Variants in SLIT1 observed in about 807,000 individuals in gnomAD.
SLIT1 encodes slit guidance ligand 1.
In SLIT1, 66 loss-of-function variants were observed where a neutral mutation model predicts 186.1. That is an observed-to-expected ratio of 0.35 (90% confidence interval 0.29 to 0.44). The LOEUF (loss-of-function observed/expected upper bound fraction) is 0.44. SLIT1 is among the 20% of genes least tolerant of loss of function. The pLI, the probability that SLIT1 is intolerant of heterozygous loss-of-function variation, is 1.00. For missense variants in SLIT1, 1,638 were observed against 2,037.4 expected (o/e 0.80, Z 3.77); for synonymous variants, 761 against 833.8 (o/e 0.91, Z 1.50).
intron 4 of SLIT1, among the ~76,000 whole-genome samples, chr10:97,146,762 A>T (rs1849822389): frequency 6.6e-6 from 1 of 152,196 alleles, no homozygotes; most frequent in South Asian, 2.1e-4. Context: ...CAAGCCCTGA[A>T]ATCAGACAGC....
At chr10:97,089,798 T>C (rs1564672825) in intron 4 of SLIT1, among the ~76,000 whole-genome samples, 1 of 152,038 alleles carries the variant, frequency 6.6e-6, no homozygotes, top group African/African-American at 2.4e-5. Flanking sequence ...ACATCACAAA[T>C]CCAACAAGCA....
chr10:97,176,470 T>C (rs963117336), intron 1 of SLIT1, among the ~76,000 whole-genome samples: 11 of 152,116 alleles, frequency 7.2e-5, no homozygotes, highest in African/African-American at 2.4e-4. Context: ...CCTGCCTCTA[T>C]GCTGCAGGCA....
At chr10:97,096,686 G>A (rs996818736) in intron 4 of SLIT1, among the ~76,000 whole-genome samples, 1 of 151,594 alleles carries the variant, frequency 6.6e-6, no homozygotes, top group Non-Finnish European at 1.5e-5. Context: ...GCTCGACCCC[G>A]AGAGAGGGGA....
chr10:97,082,738 T>A (rs1488806752), intron 4 of SLIT1, among the ~76,000 whole-genome samples: 1 of 151,932 alleles, frequency 6.6e-6, no homozygotes, highest in Admixed American at 6.6e-5. Flanking sequence ...CCAGCCTCAT[T>A]TAGTTCTTAA....
chr10:97,002,575 G>A (rs1166470334), intron 35 of SLIT1, 129 bp downstream of exon 35: 14 of 940,268 alleles, frequency 1.5e-5, no homozygotes, highest in Non-Finnish European at 2.2e-5. Context: ...GTGAAAGCCA[G>A]ATAAAAGTAA....
At position 97,037,784 on chromosome 10, in the gene SLIT1, C is replaced by T. The variant is rs371722928; in HGVS notation, c.2298-18G>A. 73 of 1,592,370 alleles carry T rather than the reference C, an allele frequency of 4.6e-5. 1 individual carries two copies. In the East Asian group the frequency reaches 4.7e-4, roughly 10 times the overall value. ...CCAAATAGCTGCAGAGAGAACACAG[C>T]GGCGTTAGTGCCCATCTCCACCTCT... On this transcript the variant is annotated intron_variant, in intron 21 of 36. Coordinates refer to ENST00000266058, the MANE Select transcript of SLIT1 (RefSeq NM_003061.3).
chr10:97,137,594 T>C (rs1226195340), intron 4 of SLIT1, among the ~76,000 whole-genome samples: 1 of 152,116 alleles, frequency 6.6e-6, no homozygotes, highest in Non-Finnish European at 1.5e-5. Context: ...CTTTCCTTCT[T>C]TCTTTCTTTT....
intron 3 of SLIT1, among the ~76,000 whole-genome samples, chr10:97,162,914 C>G (rs1850048984): frequency 6.6e-6 from 1 of 151,970 alleles, no homozygotes. Flanking sequence ...AGCAACAAAC[C>G]ATGTGAATCA....
intron 4 of SLIT1, among the ~76,000 whole-genome samples, chr10:97,110,573 A>G (rs1042426706): frequency 1.3e-5 from 2 of 152,282 alleles, no homozygotes; most frequent in Non-Finnish European, 2.9e-5. Context: ...TTACAAAGGA[A>G]TATACATAGT....
intron 30 of SLIT1, among the ~76,000 whole-genome samples, 179 bp downstream of exon 30, chr10:97,013,562 G>C (rs1848429008): frequency 6.6e-6 from 1 of 152,154 alleles, no homozygotes; most frequent in Non-Finnish European, 1.5e-5. Flanking sequence ...TGGCCACAAA[G>C]CTGTGCACAT....
intron 25 of SLIT1, among the ~76,000 whole-genome samples, chr10:97,029,514 C>T (rs539864738): frequency 4.6e-5 from 7 of 152,326 alleles, no homozygotes; most frequent in Admixed American, 3.9e-4. Flanking sequence ...CCAGTAATGC[C>T]AAGAGATGCC....
Position 97,000,941 on chromosome 10 carries a change from C to T in SLIT1, c.*171G>A, listed in dbSNP as rs945415931. The T allele has an allele frequency of 6.9e-5, 42 of 606,906 alleles. No homozygotes were observed. The highest frequency in any genetic ancestry group is 4.4e-4 in the Middle Eastern group (1 of 2,290). The allele number at this position is 606,906 out of a possible 1,614,324, so 37.6% of individuals were successfully genotyped here. On this transcript the variant is annotated 3_prime_UTR_variant, in exon 37 of 37. Transcript: ENST00000266058. ...CCACCCCCGCTGCCCCCAGCTATGG[C>T]GCAATTTGCTTTTAAAAGGCTGCTC...
At chr10:97,059,356 G>T in intron 11 of SLIT1, 104 bp downstream of exon 11, 2 of 904,424 alleles carry the variant, frequency 2.2e-6, no homozygotes, top group Non-Finnish European at 1.8e-6. Flanking sequence ...GTGGAGGGGG[G>T]CATAGCCCTG....
chr10:97,021,501 G>T lies in SLIT1; in HGVS notation c.2583-88C>A. On this transcript the variant is annotated intron_variant, in intron 25 of 36. Transcript: ENST00000266058. This position sits in a 1 kb window ranked among gnomAD's most constrained non-coding sequence, Gnocchi z 4.5. ...CCTAGAGTCCCAGGCACTGCACCAGGGGCTGGCAAAAATCTTAGCCTCCAT... is the reference window on the plus strand; with the variant it reads ...CCTAGAGTCCCAGGCACTGCACCAGTGGCTGGCAAAAATCTTAGCCTCCAT... 4 of 1,244,088 alleles carry T rather than the reference G, an allele frequency of 3.2e-6. No homozygotes were observed. The highest frequency in any genetic ancestry group is 4.5e-6 in the Non-Finnish European group (4 of 898,086). 77.1% of individuals were successfully genotyped at this position (1,244,088 alleles called of 1,614,324 possible). A position where few individuals can be genotyped will look rare whatever the true frequency, so the allele number is the denominator to read the frequency against.
At chr10:97,060,480 C>A (rs1010506497) in intron 9 of SLIT1, among the ~76,000 whole-genome samples, 160 bp downstream of exon 9, 21 of 152,368 alleles carry the variant, frequency 1.4e-4, no homozygotes, top group Non-Finnish European at 2.9e-4. Flanking sequence ...CAGCCCTGGA[C>A]ACAAAGCTCA....
intron 22 of SLIT1, among the ~76,000 whole-genome samples, chr10:97,035,839 CTA>C (rs955350842): frequency 7.9e-5 from 12 of 152,132 alleles, no homozygotes; most frequent in African/African-American, 2.9e-4. Flanking sequence ...TCTGAGCAGA[CTA>C]CACTCTGTGG....
rs554808291 is a variant in SLIT1, at chr10:97,002,249, C to T, written c.4275G>A (p.Leu1425=). 70 of 1,599,252 alleles carry T rather than the reference C, an allele frequency of 4.4e-5. 2 individuals carry two copies. Among genetic ancestry groups the T allele is most frequent in the South Asian group, 4.4e-4 (39 of 89,312 alleles). The change falls in exon 36 of 37, where the codon CTG becomes CTA. Residue 1425 remains leucine, a synonymous_variant. Transcript: ENST00000266058. ...CCTGGCAGTGGCCATGCAGGCACTG[C>T]AGGCCTCTGCAGGGCTCTGCCAGGG... The part of the protein sequence containing the change: ...AGALAEPCRG[L]QCLHGHCQAS...
intron 4 of SLIT1, among the ~76,000 whole-genome samples, chr10:97,116,062 C>T (rs764618900): frequency 1.3e-5 from 2 of 152,298 alleles, no homozygotes; most frequent in Non-Finnish European, 2.9e-5. Context: ...GGCAAGTTGC[C>T]TGACCTCTCT....
intron 18 of SLIT1, 25 bp downstream of exon 18, chr10:97,046,629 C>T (rs753970517): frequency 1.3e-6 from 2 of 1,581,204 alleles, no homozygotes; most frequent in Non-Finnish European, 1.7e-6. Flanking sequence ...CTGGCCCACC[C>T]TGCTCCCCAG....
Sources: allele counts gnomAD v4.1 joint callset (sites outside exome capture counted in the v4.1 genomes callset), GRCh38; gene constraint gnomAD v4.1.1; non-coding constraint Gnocchi (gnomAD v3.1); transcripts MANE v1.5; gene names NCBI Gene and HGNC (gene_info 2026-07-23, HGNC 2026-07-21).